Variants in GLS observed in about 807,000 individuals in gnomAD.
GLS encodes the protein glutaminase kidney isoform, mitochondrial.
GLS carries 36 observed loss-of-function variants against 86.7 expected under a neutral mutation model. The ratio of observed to expected loss-of-function variants is 0.42; its 90% CI spans 0.32 to 0.55. The LOEUF is 0.55. GLS is among the 20% of genes least tolerant of loss of function. The probability of loss-of-function intolerance (pLI) is 0.17; values close to 1 mark genes in which losing one functional copy is unlikely to be tolerated. For missense variants in GLS, 528 were observed against 833.4 expected (o/e 0.63, Z 4.51); for synonymous variants, 317 against 305.9 (o/e 1.04, Z -0.38).
intron 1 of GLS, among the ~76,000 whole-genome samples, chr2:190,882,707 T>G (rs1688243464): frequency 6.6e-6 from 1 of 152,220 alleles, no homozygotes; most frequent in African/African-American, 2.4e-5. Context: ...AAAAATCACT[T>G]GATGATGGGC....
intron 1 of GLS, among the ~76,000 whole-genome samples, chr2:190,887,807 AGTT>A (rs1234630146): frequency 6.6e-6 from 1 of 152,236 alleles, no homozygotes; most frequent in African/African-American, 2.4e-5. Flanking sequence ...TTAGTGGGAT[AGTT>A]AAGTAAATTG....
rs1690332080 is a variant in GLS, at chr2:190,938,257, T to C, written c.1650+6620T>C. 6.6e-6 allele frequency among the ~76,000 whole-genome samples: 1 copy of C among 151,556 alleles called. No individual in the cohort carries two copies. The highest frequency in any genetic ancestry group is 6.6e-5 in the Admixed American group (1 of 15,208). On this transcript the variant is annotated intron_variant, in intron 14 of 17. Transcript: ENST00000320717. This position sits in a 1 kb window ranked among gnomAD's most constrained non-coding sequence, Gnocchi z 4.1. ...AACCACAGATAATTAAAATTATCTA[T>C]TTGGAAGGCTTAGCTTTTGAAAGAA...
intron 9 of GLS, among the ~76,000 whole-genome samples, chr2:190,922,758 A>G (rs1689783196): frequency 6.6e-6 from 1 of 152,214 alleles, no homozygotes; most frequent in Admixed American, 6.5e-5. Context: ...ATGTGCAATT[A>G]GAAGGGGCTG....
At chr2:190,886,090 C>T (rs1688370523) in intron 1 of GLS, among the ~76,000 whole-genome samples, 1 of 151,994 alleles carries the variant, frequency 6.6e-6, no homozygotes, top group Non-Finnish European at 1.5e-5. Context: ...CCAGGATGGT[C>T]TCGACCTCCT....
rs1358356031 is a variant in GLS, at chr2:190,930,990, A to G, written c.1557+422A>G. Among the ~76,000 whole-genome samples, 1 of 152,218 alleles carries G rather than the reference A, an allele frequency of 6.6e-6. No homozygotes were observed. Among genetic ancestry groups the G allele is most frequent in the Non-Finnish European group, 1.5e-5 (1 of 68,022 alleles). The stretch of plus-strand genomic sequence containing the variant: ...GAGGAAATAAGCACTGAAAATTAAA[A>G]AAAGATTAAACCATTTTTAAACTGT... On this transcript the variant is annotated intron_variant, in intron 13 of 17. Coordinates refer to ENST00000320717, the MANE Select transcript of GLS (RefSeq NM_014905.5). This position sits in a 1 kb window ranked among gnomAD's most constrained non-coding sequence, Gnocchi z 5.0.
At chr2:190,908,296 A>G (rs1689232840) in intron 6 of GLS, among the ~76,000 whole-genome samples, 1 of 152,202 alleles carries the variant, frequency 6.6e-6, no homozygotes, top group Admixed American at 6.5e-5. Context: ...GTTCTTTAGT[A>G]TATGTATTAG....
rs72907234 is a variant in GLS at position 190,901,829 on chromosome 2, G to A, written c.736-118G>A. 3,075 of 691,474 alleles carry A rather than the reference G, an allele frequency of 4.4e-3. 21 individuals carry two copies. Among genetic ancestry groups the A allele is most frequent in the South Asian group, 5.4e-3 (326 of 60,674 alleles). 42.8% of individuals were successfully genotyped at this position (691,474 alleles called of 1,614,324 possible). ...AAGATAGACTATGAAGCCACTGAGT[G>A]TTGTAGAATAACTAGTCATTGGTAG... is the stretch of plus-strand genomic sequence containing the variant. On this transcript the variant is annotated intron_variant, in intron 4 of 17. Coordinates refer to ENST00000320717, the MANE Select transcript of GLS (RefSeq NM_014905.5).
rs1284932309 is a variant in GLS, at chr2:190,924,642, C to T, written c.1248+49C>T. ...TATATAAATGGATGTGTCGGCTGGG[C>T]ACGGTGGCTCACGCCTGTAATCCCA... is the stretch of plus-strand genomic sequence containing the variant. On this transcript the variant is annotated intron_variant, in intron 11 of 17. Coordinates refer to ENST00000320717, the MANE Select transcript of GLS (RefSeq NM_014905.5). The surrounding 1 kb of genome is among the most constrained non-coding windows in gnomAD (Gnocchi z 5.2). 3.1e-6 allele frequency: 3 copies of T among 981,186 alleles called. No individual in the cohort carries two copies. Among genetic ancestry groups the T allele is most frequent in the Non-Finnish European group, 4.9e-6 (3 of 607,868 alleles). The allele number at this position is 981,186 out of a possible 1,614,324, so 60.8% of individuals were successfully genotyped here.
chr2:190,903,335 C>T (rs1226721038), intron 5 of GLS, among the ~76,000 whole-genome samples: 1 of 152,162 alleles, frequency 6.6e-6, no homozygotes, highest in Non-Finnish European at 1.5e-5. Flanking sequence ...GAAATGAACA[C>T]CTAGGTCTCT....
In GLS at chr2:190,914,425, G is replaced by A. The variant is rs986170276; in HGVS notation, c.1038+4104G>A. 7.3e-5 allele frequency among the ~76,000 whole-genome samples: 11 copies of A among 150,304 alleles called. No homozygotes were observed. The highest frequency in any genetic ancestry group is 3.0e-5 in the Non-Finnish European group (2 of 67,554). ...TTACTTCTTGTTTATATCAGTTTAT[G>A]CTTTAGTTTTTTTTTTTTAATGAAA... On this transcript the variant is annotated intron_variant, in intron 7 of 17. Coordinates refer to ENST00000320717, the MANE Select transcript of GLS (RefSeq NM_014905.5). The surrounding 1 kb of genome is among the most constrained non-coding windows in gnomAD (Gnocchi z 4.4).
At chr2:190,931,463 T>C (rs1220578547) in intron 13 of GLS, 82 bp from the exon 14 acceptor site, 22 of 598,330 alleles carry the variant, frequency 3.7e-5, no homozygotes, top group Non-Finnish European at 6.6e-5. Flanking sequence ...CTGGACGATA[T>C]AAGCAGAGTT....
intron 14 of GLS, among the ~76,000 whole-genome samples, chr2:190,946,731 T>C (rs1394702816): frequency 6.6e-6 from 1 of 152,186 alleles, no homozygotes; most frequent in East Asian, 1.9e-4. Context: ...TTTGGTCCCA[T>C]CTAGGCTTCC....
In GLS at chr2:190,924,129, A is replaced by C. The variant is rs1159498655; in HGVS notation, c.1197+146A>C. 1.9e-5 allele frequency: 11 copies of C among 586,036 alleles called. No homozygotes were observed. Among genetic ancestry groups the C allele is most frequent in the Non-Finnish European group, 2.4e-5 (8 of 330,286 alleles). 36.3% of individuals were successfully genotyped at this position (586,036 alleles called of 1,614,324 possible). Reference sequence around the variant, plus strand: ...AGTTTTTGCAGAGTGCTCGTGAGTCAGTGTTATCAAATTGTTAATGTTATT... The same window carrying C: ...AGTTTTTGCAGAGTGCTCGTGAGTCCGTGTTATCAAATTGTTAATGTTATT... On this transcript the variant is annotated intron_variant, in intron 10 of 17. Coordinates refer to ENST00000320717, the MANE Select transcript of GLS (RefSeq NM_014905.5). The surrounding 1 kb of genome is among the most constrained non-coding windows in gnomAD (Gnocchi z 5.2).
chr2:190,892,940 TA>T (rs1470023020), intron 1 of GLS, among the ~76,000 whole-genome samples: 20 of 152,300 alleles, frequency 1.3e-4, no homozygotes, highest in African/African-American at 4.8e-4. Flanking sequence ...CTATGTGCCA[TA>T]AGCTAAAAAA....
At chr2:190,898,526 C>T (rs1171016721) in intron 3 of GLS, among the ~76,000 whole-genome samples, 7 of 152,184 alleles carry the variant, frequency 4.6e-5, no homozygotes, top group Non-Finnish European at 1.5e-5. Flanking sequence ...TTGGCTTTGT[C>T]AGCCTGTTAA....
chr2:190,912,346 C>CTTTT (rs34419675), intron 7 of GLS, among the ~76,000 whole-genome samples: 50 of 122,478 alleles, frequency 4.1e-4, no homozygotes, highest in South Asian at 1.1e-3. Flanking sequence ...TTCACAAGTG[C>CTTTT]TTTTTTTTTT....
intron 1 of GLS, among the ~76,000 whole-genome samples, chr2:190,890,066 T>C (rs11894259): frequency 0.92 from 140,433 of 152,150 alleles, 64,871 homozygotes; most frequent in Non-Finnish European, 0.94. Flanking sequence ...GAACAAAGGA[T>C]GAGCTTTGTA....
At chr2:190,933,225 ATAAGT>A (rs1011606077) in intron 14 of GLS, 52 of 876,534 alleles carry the variant, frequency 5.9e-5, no homozygotes, top group African/African-American at 3.6e-5. Context: ...AATTAAACTC[ATAAGT>A]TTTGTTGCAT....
chr2:190,881,627 G>A (rs1688189826), intron 1 of GLS, 157 bp downstream of exon 1: 3 of 663,786 alleles, frequency 4.5e-6, no homozygotes, highest in South Asian at 4.5e-5. Context: ...CATGTGATTA[G>A]GCCCGGCCCC....
Sources: allele counts gnomAD v4.1 joint callset (sites outside exome capture counted in the v4.1 genomes callset), GRCh38; gene constraint gnomAD v4.1.1; non-coding constraint Gnocchi (gnomAD v3.1); transcripts MANE v1.5; gene names NCBI Gene and HGNC (gene_info 2026-07-23, HGNC 2026-07-21).